Variants in PXDNL observed in about 807,000 individuals in gnomAD.
PXDNL encodes probable oxidoreductase PXDNL.
A neutral mutation model predicts 150.8 loss-of-function variants in PXDNL; 145 were observed. That is an observed-to-expected ratio of 0.96 (90% CI 0.84 to 1.10). The LOEUF (loss-of-function observed/expected upper bound fraction) is 1.10. Among genes scored for constraint, PXDNL ranks in the 50% least tolerant of loss-of-function variants. The pLI, the probability that PXDNL is intolerant of heterozygous loss-of-function variation, is 0.00. For missense variants in PXDNL, 2,087 were observed against 1,873.9 expected (o/e 1.11, Z -2.10); for synonymous variants, 757 against 725.7 (o/e 1.04, Z -0.69).
chr8:51,465,765 G>A (rs1426490199), intron 8 of PXDNL, among the ~76,000 whole-genome samples: 1 of 152,082 alleles, frequency 6.6e-6, no homozygotes, highest in African/African-American at 2.4e-5. Flanking sequence ...TGTTCAAGCT[G>A]AGAGCCACAT....
chr8:51,613,054 A>G (rs1405953052), intron 2 of PXDNL, among the ~76,000 whole-genome samples: 1 of 152,122 alleles, frequency 6.6e-6, no homozygotes, highest in African/African-American at 2.4e-5. Context: ...CTAAACTAAG[A>G]CTGCAGATAG....
intron 17 of PXDNL, among the ~76,000 whole-genome samples, chr8:51,397,104 A>G (rs1347337782): frequency 6.6e-6 from 1 of 152,234 alleles, no homozygotes. Context: ...GGGCAGATAT[A>G]TAAAAAGTTG....
chr8:51,393,343 A>G (rs907504849), intron 17 of PXDNL, among the ~76,000 whole-genome samples: 7 of 152,202 alleles, frequency 4.6e-5, no homozygotes, highest in Admixed American at 2.0e-4. Context: ...GACACATACA[A>G]TGATCGTCAT....
At chr8:51,526,041 A>G (rs911372572) in intron 4 of PXDNL, among the ~76,000 whole-genome samples, 28 of 152,216 alleles carry the variant, frequency 1.8e-4, no homozygotes, top group Non-Finnish European at 3.7e-4. Context: ...TTTTGCATGT[A>G]TAGTTTTTTC....
At chr8:51,501,838 G>A (rs1226503627) in intron 4 of PXDNL, among the ~76,000 whole-genome samples, 1 of 152,222 alleles carries the variant, frequency 6.6e-6, no homozygotes, top group Non-Finnish European at 1.5e-5. Flanking sequence ...GGAGTGTTAG[G>A]CAGAGACTGG....
At chr8:51,753,706 G>A (rs968880385) in intron 1 of PXDNL, among the ~76,000 whole-genome samples, 37 of 152,194 alleles carry the variant, frequency 2.4e-4, no homozygotes, top group Non-Finnish European at 7.3e-5. Flanking sequence ...GAAGGAAAAT[G>A]AAAAATCAAG....
At chr8:51,370,786 G>A (rs1807083531) in intron 19 of PXDNL, among the ~76,000 whole-genome samples, 1 of 152,170 alleles carries the variant, frequency 6.6e-6, no homozygotes, top group Non-Finnish European at 1.5e-5. Flanking sequence ...TAGTGGAGAT[G>A]GGGTTTCGCC....
intron 1 of PXDNL, among the ~76,000 whole-genome samples, chr8:51,720,229 G>A (rs1186302431): frequency 6.7e-6 from 1 of 149,306 alleles, no homozygotes; most frequent in African/African-American, 2.5e-5. Context: ...TTTGGGGGAA[G>A]TTTTATACAG....
intron 19 of PXDNL, among the ~76,000 whole-genome samples, chr8:51,367,094 T>C (rs1806944545): frequency 9.6e-6 from 1 of 104,494 alleles, no homozygotes; most frequent in Non-Finnish European, 1.9e-5. Context: ...AGCAAGACTC[T>C]TGTCTCAAAA....
intron 21 of PXDNL, among the ~76,000 whole-genome samples, chr8:51,324,656 G>T (rs769205474): frequency 4.6e-5 from 7 of 152,066 alleles, no homozygotes; most frequent in Non-Finnish European, 8.8e-5. Context: ...ATGTATAATT[G>T]CTAGTCTTCT....
chr8:51,628,191 T>G (rs922315649), intron 2 of PXDNL, among the ~76,000 whole-genome samples: 4 of 152,040 alleles, frequency 2.6e-5, no homozygotes, highest in African/African-American at 9.7e-5. Flanking sequence ...AAAACCCTGT[T>G]TGCATTTTTT....
chr8:51,794,259 G>A, intron 1 of PXDNL, among the ~76,000 whole-genome samples: 1 of 152,108 alleles, frequency 6.6e-6, no homozygotes, highest in East Asian at 1.9e-4. Context: ...TCATTCAGGA[G>A]AACTTACCAA....
chr8:51,475,990 G>C (rs1383536643), intron 6 of PXDNL, among the ~76,000 whole-genome samples: 1 of 152,158 alleles, frequency 6.6e-6, no homozygotes, highest in Non-Finnish European at 1.5e-5. Flanking sequence ...CCAGCCACTT[G>C]GGAGGCTGAG....
intron 2 of PXDNL, among the ~76,000 whole-genome samples, chr8:51,621,972 C>T (rs1465567260): frequency 6.7e-6 from 1 of 148,408 alleles, no homozygotes; most frequent in Non-Finnish European, 1.5e-5. Context: ...AGCAATTTTG[C>T]AGATGTAGTT....
intron 1 of PXDNL, among the ~76,000 whole-genome samples, chr8:51,742,959 T>C (rs4242472): frequency 0.66 from 101,035 of 152,024 alleles, 35,074 homozygotes; most frequent in East Asian, 0.84. Context: ...AAAAGTTTCC[T>C]AAAATTTAAT....
chr8:51,706,444 G>A (rs915740380), intron 1 of PXDNL, among the ~76,000 whole-genome samples: 1 of 152,114 alleles, frequency 6.6e-6, no homozygotes, highest in Admixed American at 6.5e-5. Flanking sequence ...CACACAGGAG[G>A]AACACCCAAT....
chr8:51,474,672 A>G (rs539911085), intron 7 of PXDNL, among the ~76,000 whole-genome samples: 1 of 152,320 alleles, frequency 6.6e-6, no homozygotes, highest in East Asian at 1.9e-4. Flanking sequence ...TTAACGTTGG[A>G]CACCACTTCT....
intron 1 of PXDNL, among the ~76,000 whole-genome samples, chr8:51,670,604 CTCA>C (rs544088528): frequency 1.4e-3 from 217 of 152,240 alleles, no homozygotes; most frequent in African/African-American, 4.9e-3. Context: ...TCATATGTGG[CTCA>C]TCATTAACCA....
At chr8:51,662,088 G>A (rs971325686) in intron 1 of PXDNL, among the ~76,000 whole-genome samples, 3 of 152,142 alleles carry the variant, frequency 2.0e-5, no homozygotes, top group African/African-American at 7.2e-5. Flanking sequence ...AGACCAAGGA[G>A]AGCTGAGACT....
Sources: gnomAD v4.1 joint callset for allele counts (sites outside exome capture counted in the v4.1 genomes callset) on GRCh38, gnomAD v4.1.1 for gene constraint, MANE v1.5 for transcripts, NCBI Gene and HGNC (gene_info 2026-07-23, HGNC 2026-07-21) for gene names.